The following CDIN1 variants were observed in gnomAD, a reference collection of about 807,000 sequenced individuals.
The protein encoded by CDIN1 is CDAN1-interacting nuclease 1.
A neutral mutation model predicts 45.3 loss-of-function variants in CDIN1; 33 were observed. That is an observed-to-expected ratio of 0.73 (90% CI 0.55 to 0.97). The LOEUF (loss-of-function observed/expected upper bound fraction) is 0.97, where lower values mean the gene tolerates loss of function less well. CDIN1 is among the 50% of genes least tolerant of loss of function. The probability of loss-of-function intolerance (pLI) is 0.00; values close to 1 mark genes in which losing one functional copy is unlikely to be tolerated. For synonymous variants in CDIN1, 118 were observed against 124.4 expected (o/e 0.95, Z 0.34); for missense variants, 303 against 339.4 (o/e 0.89, Z 0.84).
At chr15:36,669,064 T>C (rs2041353363) in intron 5 of CDIN1, 2 of 152,152 alleles carry the variant, frequency 1.3e-5, no homozygotes, top group African/African-American at 4.8e-5. Flanking sequence ...GAGATCCTTT[T>C]CGGAAACCTC....
intron 10 of CDIN1, among the ~76,000 whole-genome samples, chr15:36,760,607 A>T (rs1361549490): frequency 6.6e-6 from 1 of 152,166 alleles, no homozygotes; most frequent in African/African-American, 2.4e-5. Context: ...CTTCCACAGA[A>T]ATTTTAAGTG....
chr15:36,735,406 T>C (rs146049613), intron 10 of CDIN1, among the ~76,000 whole-genome samples: 1,972 of 152,212 alleles, frequency 0.013, 50 homozygotes, highest in African/African-American at 0.044. Flanking sequence ...TAAGACATTT[T>C]AAGTAAGGAT....
chr15:36,579,849 C>T lies in CDIN1; in HGVS notation c.-12C>T, dbSNP rs2036956583. Reference sequence around the variant, plus strand: ...TTCCTTGTTCCCGCCACCTCCTGGTCCCTGGCCCAACATGATACTGACCAA... The same window carrying T: ...TTCCTTGTTCCCGCCACCTCCTGGTTCCTGGCCCAACATGATACTGACCAA... On this transcript the variant is annotated 5_prime_UTR_variant, in exon 1 of 11. Transcript: ENST00000566621. 2 of 1,609,336 alleles carry T rather than the reference C, an allele frequency of 1.2e-6. No homozygotes were observed. The highest frequency in any genetic ancestry group is 3.4e-5 in the Admixed American group (2 of 59,390).
At chr15:36,604,274 C>CT (rs34347558) in intron 1 of CDIN1, among the ~76,000 whole-genome samples, 3,616 of 148,034 alleles carry the variant, frequency 0.024, 42 homozygotes, top group Non-Finnish European at 0.031. Flanking sequence ...AGCCACCTGG[C>CT]TTTTTTTTTT....
chr15:36,781,233 T>G (rs1220200679), intron 10 of CDIN1, among the ~76,000 whole-genome samples: 2 of 152,238 alleles, frequency 1.3e-5, no homozygotes, highest in Admixed American at 1.3e-4. Flanking sequence ...AGGGCAGCTA[T>G]GCCATTTTTA....
In CDIN1 at chr15:36,697,128, TAA is replaced by T. The variant is rs35110312; in HGVS notation, c.477-185_477-184del. 3.5e-5 allele frequency among the ~76,000 whole-genome samples: 5 copies of T among 144,570 alleles called. No homozygotes were observed. The South Asian group carries it at 1.1e-3, about 32-fold the overall frequency. The allele number at this position is 144,570 out of a possible 152,430, so 94.8% of individuals were successfully genotyped here. A position where few individuals can be genotyped will look rare whatever the true frequency, so the allele number is the denominator to read the frequency against. ...CAACAGAGCAGGACCCTGTCTCTAT[TAA>T]AAAAAAAAAGGTTTTAAAAAATTAT... On this transcript the variant is annotated intron_variant, in intron 7 of 10. Transcript: ENST00000566621.
intron 5 of CDIN1, among the ~76,000 whole-genome samples, chr15:36,679,779 G>A (rs2041786097): frequency 6.6e-6 from 1 of 152,094 alleles, no homozygotes; most frequent in Non-Finnish European, 1.5e-5. Flanking sequence ...AGACCTTAGG[G>A]AAGCCTTACT....
At chr15:36,735,462 T>C (rs1771729794) in intron 10 of CDIN1, among the ~76,000 whole-genome samples, 2 of 152,118 alleles carry the variant, frequency 1.3e-5, no homozygotes, top group African/African-American at 4.8e-5. Context: ...AATATGCTTA[T>C]CTTAATATAT....
intron 1 of CDIN1, among the ~76,000 whole-genome samples, chr15:36,587,995 T>C (rs913698109): frequency 6.6e-6 from 1 of 152,164 alleles, no homozygotes; most frequent in African/African-American, 2.4e-5. Context: ...AAAGTAAATA[T>C]GATTTTTGTT....
In CDIN1 at chr15:36,729,648, TAAA is replaced by T. The variant is rs1259081588; in HGVS notation, c.716+19688_716+19690del. The stretch of plus-strand genomic sequence containing the variant: ...GTGATGAGTGACATTATTAGTGAAA[TAAA>T]GAAGTTTTTAATTTGTCATGGATAG... On this transcript the variant is annotated intron_variant, in intron 10 of 10. Transcript: ENST00000566621. Among the ~76,000 whole-genome samples the T allele has an allele frequency of 2.0e-5, 3 of 152,186 alleles. No homozygotes were observed. The East Asian group carries it at 5.8e-4, about 29-fold the overall frequency.
intron 1 of CDIN1, among the ~76,000 whole-genome samples, chr15:36,590,019 CAT>C (rs1459487781): frequency 1.3e-5 from 2 of 152,198 alleles, no homozygotes; most frequent in African/African-American, 4.8e-5. Context: ...TTTCATGAAA[CAT>C]ATAGTGAAGA....
At chr15:36,720,256 A>T (rs199780740) in intron 10 of CDIN1, among the ~76,000 whole-genome samples, 1 of 9,270 alleles carries the variant, frequency 1.1e-4, no homozygotes, top group Non-Finnish European at 1.7e-4. Context: ...ATTATTTATT[A>T]TTTATTTATT....
chr15:36,662,691 C>T (rs2041062758), intron 5 of CDIN1, among the ~76,000 whole-genome samples: 1 of 152,122 alleles, frequency 6.6e-6, no homozygotes, highest in Non-Finnish European at 1.5e-5. Context: ...TATTTGAATC[C>T]TAACTATATT....
chr15:36,730,417 TA>T (rs1418759669), intron 10 of CDIN1, among the ~76,000 whole-genome samples: 4 of 152,162 alleles, frequency 2.6e-5, no homozygotes, highest in South Asian at 4.1e-4. Context: ...TTTTAACAAG[TA>T]ACTTTTAACA....
At chr15:36,593,689 G>C (rs568211776) in intron 1 of CDIN1, among the ~76,000 whole-genome samples, 1 of 152,140 alleles carries the variant, frequency 6.6e-6, no homozygotes, top group South Asian at 2.1e-4. Context: ...TCAGCCTCCT[G>C]AGTAGCTGTG....
At chr15:36,802,187 T>C (rs1339409652) in intron 10 of CDIN1, among the ~76,000 whole-genome samples, 1 of 152,210 alleles carries the variant, frequency 6.6e-6, no homozygotes, top group Non-Finnish European at 1.5e-5. Flanking sequence ...TTTCTTCATC[T>C]GTAAAATGAG....
At chr15:36,801,752 C>T (rs2055056832) in intron 10 of CDIN1, among the ~76,000 whole-genome samples, 1 of 152,226 alleles carries the variant, frequency 6.6e-6, no homozygotes, top group South Asian at 2.1e-4. Context: ...CATTCCCTAG[C>T]TTACTTCCAC....
intron 7 of CDIN1, 132 bp downstream of exon 7, chr15:36,692,307 C>G: frequency 1.2e-6 from 1 of 806,218 alleles, no homozygotes; most frequent in Non-Finnish European, 1.9e-6. Flanking sequence ...TACATTCAAT[C>G]AACTGGAGGG....
intron 1 of CDIN1, among the ~76,000 whole-genome samples, chr15:36,593,816 G>A (rs1455406246): frequency 2.0e-5 from 3 of 152,036 alleles, no homozygotes; most frequent in Admixed American, 6.6e-5. Context: ...TGCCTGCCTC[G>A]GCCTCCCAAA....
Sources: allele counts gnomAD v4.1 joint callset (sites outside exome capture counted in the v4.1 genomes callset), GRCh38; gene constraint gnomAD v4.1.1; transcripts MANE v1.5; gene names NCBI Gene and HGNC (gene_info 2026-07-23, HGNC 2026-07-21).